The following ITPR2 variants were observed in gnomAD, a reference collection of about 807,000 sequenced individuals.
The protein encoded by ITPR2 is inositol 1,4,5-trisphosphate-gated calcium channel ITPR2.
ITPR2 carries 207 observed loss-of-function variants against 317.1 expected under a neutral mutation model. That is an observed-to-expected ratio of 0.65 (90% CI 0.58 to 0.73). The LOEUF is 0.73. ITPR2 is among the 30% of genes least tolerant of loss of function. The probability of loss-of-function intolerance (pLI) is 0.00; values close to 1 mark genes in which losing one functional copy is unlikely to be tolerated. For synonymous variants in ITPR2, 1,156 were observed against 1,149.1 expected (o/e 1.01, Z -0.12); for missense variants, 2,613 against 3,284.0 (o/e 0.80, Z 4.99).
At chr12:26,811,406 C>T (rs1404068505) in intron 1 of ITPR2, among the ~76,000 whole-genome samples, 8 of 151,572 alleles carry the variant, frequency 5.3e-5, no homozygotes, top group Admixed American at 5.3e-4. Flanking sequence ...GTCAGGAGAT[C>T]GAGACCATCC....
intron 26 of ITPR2, among the ~76,000 whole-genome samples, chr12:26,608,714 G>T (rs955449064): frequency 6.6e-6 from 1 of 151,916 alleles, no homozygotes; most frequent in Non-Finnish European, 1.5e-5. Flanking sequence ...AGTGTGTGAA[G>T]TGGCAGCCTT....
intron 2 of ITPR2, among the ~76,000 whole-genome samples, chr12:26,736,702 TATAA>T (rs963126933): frequency 3.3e-5 from 5 of 152,168 alleles, no homozygotes; most frequent in African/African-American, 1.2e-4. Flanking sequence ...TCACTCCAAA[TATAA>T]ATAAGTGAAT....
intron 37 of ITPR2, among the ~76,000 whole-genome samples, chr12:26,521,837 GT>G (rs899129607): frequency 6.6e-6 from 1 of 152,166 alleles, no homozygotes; most frequent in African/African-American, 2.4e-5. Flanking sequence ...GCAGCAGCGA[GT>G]TATATTCCCT....
chr12:26,559,644 A>G (rs1015091547), intron 35 of ITPR2, among the ~76,000 whole-genome samples: 1 of 152,206 alleles, frequency 6.6e-6, no homozygotes, highest in Non-Finnish European at 1.5e-5. Context: ...GCACAGCCAT[A>G]GCACCATGTA....
At chr12:26,606,722 A>G (rs1013587686) in intron 26 of ITPR2, among the ~76,000 whole-genome samples, 2 of 152,134 alleles carry the variant, frequency 1.3e-5, no homozygotes, top group Non-Finnish European at 1.5e-5. Context: ...GCTTGAGGCC[A>G]AGAGTTTGAG....
intron 2 of ITPR2, among the ~76,000 whole-genome samples, chr12:26,731,697 C>T (rs1184142234): frequency 6.6e-6 from 1 of 152,138 alleles, no homozygotes; most frequent in Admixed American, 6.5e-5. Flanking sequence ...ACTCAGGAGG[C>T]TGAGACAAGA....
chr12:26,673,283 C>CA (rs1250572510), intron 13 of ITPR2, among the ~76,000 whole-genome samples: 1 of 152,034 alleles, frequency 6.6e-6, no homozygotes, highest in Non-Finnish European at 1.5e-5. Flanking sequence ...AACATTGATG[C>CA]AAAAATCCTC....
intron 45 of ITPR2, among the ~76,000 whole-genome samples, chr12:26,452,599 G>T (rs1417200083): frequency 6.6e-6 from 1 of 152,186 alleles, no homozygotes; most frequent in Non-Finnish European, 1.5e-5. Context: ...CATTAAGAGG[G>T]ATTAATGCTG....
chr12:26,455,798 T>C (rs185950287), intron 45 of ITPR2, among the ~76,000 whole-genome samples: 1 of 152,300 alleles, frequency 6.6e-6, no homozygotes, highest in East Asian at 1.9e-4. Context: ...AACATAAACA[T>C]ATAGGTATAT....
chr12:26,457,918 A>C (rs552450421), intron 45 of ITPR2, among the ~76,000 whole-genome samples: 36 of 152,356 alleles, frequency 2.4e-4, no homozygotes, highest in African/African-American at 7.9e-4. Flanking sequence ...ATACAAAGTA[A>C]GTACGTATTG....
intron 55 of ITPR2, among the ~76,000 whole-genome samples, chr12:26,382,678 A>ACAC (rs36030472): frequency 6.8e-4 from 103 of 150,594 alleles, no homozygotes; most frequent in Non-Finnish European, 1.0e-3. Flanking sequence ...CACACACACA[A>ACAC]AAAAAAAGAA....
At chr12:26,796,001 G>C (rs998451567) in intron 1 of ITPR2, among the ~76,000 whole-genome samples, 5 of 116,310 alleles carry the variant, frequency 4.3e-5, no homozygotes, top group South Asian at 2.9e-4. Flanking sequence ...AAAAAAAAAG[G>C]GGGGGGGGGC....
intron 26 of ITPR2, among the ~76,000 whole-genome samples, chr12:26,618,951 C>T (rs1946433195): frequency 1.3e-5 from 2 of 152,076 alleles, no homozygotes; most frequent in South Asian, 2.1e-4. Flanking sequence ...AACTACTAAG[C>T]AAGGAAAATG....
intron 24 of ITPR2, among the ~76,000 whole-genome samples, chr12:26,623,874 T>C (rs1946559318): frequency 6.6e-6 from 1 of 152,242 alleles, no homozygotes; most frequent in Non-Finnish European, 1.5e-5. Context: ...TATTTCCAAT[T>C]GGCAGAAAAT....
At chr12:26,376,019 G>A (rs893188355) in intron 55 of ITPR2, among the ~76,000 whole-genome samples, 4 of 152,190 alleles carry the variant, frequency 2.6e-5, no homozygotes, top group African/African-American at 9.7e-5. Flanking sequence ...AGGATCACCT[G>A]AGCCTTGGGA....
rs554948338 is a variant in ITPR2, at chr12:26,574,663, G to A, written c.4630+4050C>T. Among the ~76,000 whole-genome samples the A allele has an allele frequency of 2.8e-4, 42 of 152,278 alleles. 1 individual carries two copies. Among genetic ancestry groups the A allele is most frequent in the Admixed American group, 7.8e-4 (12 of 15,292 alleles). The stretch of plus-strand genomic sequence containing the variant: ...CGCTGGATAATTGATAAAGAAAAGA[G>A]TTTTAACTGACTCGTCGTTCTGCGG... On this transcript the variant is annotated intron_variant, in intron 34 of 56. Coordinates refer to ENST00000381340, the MANE Select transcript of ITPR2 (RefSeq NM_002223.4).
intron 55 of ITPR2, among the ~76,000 whole-genome samples, chr12:26,346,716 G>A (rs970063110): frequency 6.6e-6 from 1 of 151,604 alleles, no homozygotes; most frequent in African/African-American, 2.4e-5. Context: ...GAGTATAACG[G>A]AAAGAGCACC....
At chr12:26,772,415 T>TATATATATTATATATATAATATATGTATA (rs1555189160) in intron 2 of ITPR2, among the ~76,000 whole-genome samples, 4 of 120,986 alleles carry the variant, frequency 3.3e-5, no homozygotes, top group Middle Eastern at 3.9e-3. Flanking sequence ...TATACACATT[T>TATATATATTATATATATAATATATGTATA]ATATATATTA....
chr12:26,372,513 A>G (rs1272325647), intron 55 of ITPR2, among the ~76,000 whole-genome samples: 1 of 152,224 alleles, frequency 6.6e-6, no homozygotes, highest in African/African-American at 2.4e-5. Context: ...TGCCTGCCCA[A>G]GGCTTCCAAA....
Sources: allele counts gnomAD v4.1 joint callset (sites outside exome capture counted in the v4.1 genomes callset), GRCh38; gene constraint gnomAD v4.1.1; transcripts MANE v1.5; gene names NCBI Gene and HGNC (gene_info 2026-07-23, HGNC 2026-07-21).